The following IGSF21 variants were observed in gnomAD, a reference collection of about 807,000 sequenced individuals.
The protein encoded by IGSF21 is immunoglobulin superfamily member 21.
In IGSF21, 28 loss-of-function variants were observed where a neutral mutation model predicts 46.8. That is an observed-to-expected ratio of 0.60 (90% CI 0.44 to 0.82). The LOEUF (loss-of-function observed/expected upper bound fraction) is 0.82. Ranked by LOEUF, IGSF21 falls within the 40% of genes least tolerant of loss-of-function variation. The pLI, the probability that IGSF21 is intolerant of heterozygous loss-of-function variation, is 0.00. For missense variants in IGSF21, 624 were observed against 665.5 expected, an observed-to-expected ratio of 0.94 and a Z score of 0.69; for synonymous variants, 284 against 273.6, an observed-to-expected ratio of 1.04 and a Z score of -0.38.
At chr1:18,118,400 G>A (rs1447022047) in intron 1 of IGSF21, among the ~76,000 whole-genome samples, 1 of 152,238 alleles carries the variant, frequency 6.6e-6, no homozygotes, top group East Asian at 1.9e-4. Flanking sequence ...GGCTGGGGCA[G>A]CTGGAGGGTG....
intron 1 of IGSF21, among the ~76,000 whole-genome samples, chr1:18,203,970 A>T (rs868292666): frequency 2.0e-5 from 3 of 152,236 alleles, no homozygotes; most frequent in African/African-American, 7.2e-5. Flanking sequence ...ATCTGGGGCC[A>T]TCGCTTGCCG....
chr1:18,315,430 A>G (rs182377784), intron 3 of IGSF21, among the ~76,000 whole-genome samples: 23 of 152,330 alleles, frequency 1.5e-4, no homozygotes. Context: ...AGTCAGGTCC[A>G]TCAGGGCAGG....
chr1:18,147,064 G>A (rs1353235889), intron 1 of IGSF21, among the ~76,000 whole-genome samples: 1 of 152,174 alleles, frequency 6.6e-6, no homozygotes, highest in East Asian at 1.9e-4. Context: ...TCCCTCTGAC[G>A]CCACTGCCAC....
Position 18,222,617 on chromosome 1 carries a change from A to T in IGSF21, c.71-5281A>T, listed in dbSNP as rs149582017. Among the ~76,000 whole-genome samples the T allele has an allele frequency of 5.7e-3, 862 of 152,306 alleles. 7 individuals are homozygous for T. The highest frequency in any genetic ancestry group is 0.019 in the African/African-American group (786 of 41,554). On this transcript the variant is annotated intron_variant, in intron 1 of 9. Transcript: ENST00000251296. Reference sequence around the variant, plus strand: ...GGAAACTGAGTCCCATGGCAGTCCCATAACTTGCCCAGGTCGCTACTGAAT... The same window carrying T: ...GGAAACTGAGTCCCATGGCAGTCCCTTAACTTGCCCAGGTCGCTACTGAAT...
chr1:18,174,895 G>A (rs945953292), intron 1 of IGSF21, among the ~76,000 whole-genome samples: 2 of 152,220 alleles, frequency 1.3e-5, no homozygotes, highest in East Asian at 3.9e-4. Context: ...AGCCCATTCT[G>A]AGCCAAATGG....
At chr1:18,274,962 G>T (rs1219286160) in intron 2 of IGSF21, among the ~76,000 whole-genome samples, 1 of 152,180 alleles carries the variant, frequency 6.6e-6, no homozygotes, top group African/African-American at 2.4e-5. Flanking sequence ...GGGAGACAGA[G>T]GTTGTAGTAA....
intron 2 of IGSF21, among the ~76,000 whole-genome samples, chr1:18,237,362 G>T (rs1427842102): frequency 6.6e-6 from 1 of 152,130 alleles, no homozygotes; most frequent in East Asian, 1.9e-4. Flanking sequence ...CTCCCCTCGA[G>T]GGGAGCGCTT....
At chr1:18,362,253 G>A (rs138824617) in intron 5 of IGSF21, 23 bp downstream of exon 5, 1 of 1,539,132 alleles carries the variant, frequency 6.5e-7, no homozygotes. Context: ...GGAGTGCCCA[G>A]CTCCTTCCTA....
At chr1:18,317,787 T>C (rs1408389409) in intron 3 of IGSF21, among the ~76,000 whole-genome samples, 1 of 152,248 alleles carries the variant, frequency 6.6e-6, no homozygotes, top group African/African-American at 2.4e-5. Context: ...ACACATGTGC[T>C]AACTACGGGG....
intron 1 of IGSF21, among the ~76,000 whole-genome samples, chr1:18,124,622 C>T (rs985842573): frequency 1.3e-5 from 2 of 152,160 alleles, no homozygotes; most frequent in African/African-American, 2.4e-5. Flanking sequence ...GCCCCGGACC[C>T]CGTGGCTGGG....
chr1:18,173,308 C>T (rs1570298975), intron 1 of IGSF21, among the ~76,000 whole-genome samples: 1 of 152,080 alleles, frequency 6.6e-6, no homozygotes, highest in Non-Finnish European at 1.5e-5. Flanking sequence ...ACAACAACGA[C>T]AAAAAATCAG....
intron 2 of IGSF21, among the ~76,000 whole-genome samples, chr1:18,287,470 A>T (rs768263556): frequency 1.4e-4 from 21 of 152,152 alleles, no homozygotes; most frequent in Non-Finnish European, 2.6e-4. Flanking sequence ...GGAGTAGCTC[A>T]TATTCAAGGA....
At position 18,223,776 on chromosome 1, in the gene IGSF21, G is replaced by A. The variant is rs146269510; in HGVS notation, c.71-4122G>A. Among the ~76,000 whole-genome samples, 301 of 152,316 alleles carry A rather than the reference G, an allele frequency of 2.0e-3. 1 individual carries two copies. The highest frequency in any genetic ancestry group is 6.6e-3 in the African/African-American group (275 of 41,572). On this transcript the variant is annotated intron_variant, in intron 1 of 9. Coordinates refer to ENST00000251296, the MANE Select transcript of IGSF21 (RefSeq NM_032880.5). ...TTGCTGCCTGAGCTGCTGAAAAAAT[G>A]GGAGTGAGAGTGCTGGGAAAACTAA...
intron 1 of IGSF21, among the ~76,000 whole-genome samples, chr1:18,208,396 T>TATATATATATATATATATATATATATA (rs397732378): frequency 1.9e-3 from 190 of 102,236 alleles, no homozygotes; most frequent in Non-Finnish European, 2.6e-3. Flanking sequence ...TATATATATA[T>TATATATATATATATATATATATATATA]TTTTTGAGAC....
At chr1:18,360,578 C>T (rs934318988) in intron 4 of IGSF21, among the ~76,000 whole-genome samples, 3 of 152,048 alleles carry the variant, frequency 2.0e-5, no homozygotes, top group African/African-American at 7.2e-5. Flanking sequence ...AGTGAAAACC[C>T]CCTGAAGGAA....
intron 4 of IGSF21, among the ~76,000 whole-genome samples, chr1:18,347,157 GA>G (rs2085902564): frequency 6.6e-6 from 1 of 152,148 alleles, no homozygotes. Context: ...CAGGCTTCTA[GA>G]ACCCTCCCTC....
intron 2 of IGSF21, among the ~76,000 whole-genome samples, chr1:18,287,037 C>T (rs1336682607): frequency 4.0e-5 from 6 of 151,176 alleles, no homozygotes; most frequent in South Asian, 4.2e-4. Flanking sequence ...AAAAATTAGC[C>T]GGGCGTAGTG....
chr1:18,305,945 T>A (rs2085422113), intron 3 of IGSF21, among the ~76,000 whole-genome samples: 1 of 152,190 alleles, frequency 6.6e-6, no homozygotes, highest in Non-Finnish European at 1.5e-5. Flanking sequence ...CCAGCCTTCC[T>A]CATGTCCAGC....
At position 18,109,287 on chromosome 1, in the gene IGSF21, A is replaced by T. The variant is rs530186066; in HGVS notation, c.70+1089A>T. The T allele has an allele frequency of 9.2e-5, 14 of 151,542 alleles. No homozygotes were observed. The highest frequency in any genetic ancestry group is 1.8e-4 in the Non-Finnish European group (12 of 67,862). The allele number at this position is 151,542 out of a possible 1,614,324, so 9.4% of individuals were successfully genotyped here. ...CGAGACTACAGGCTCCGCGTCCGGG[A>T]TCCTCCTCGGAGCCTGGTGCCAACC... On this transcript the variant is annotated intron_variant, in intron 1 of 9. Transcript: ENST00000251296. The surrounding 1 kb of genome is among the most constrained non-coding windows in gnomAD (Gnocchi z 4.8).
Sources: gnomAD v4.1 joint callset for allele counts (sites outside exome capture counted in the v4.1 genomes callset) on GRCh38, gnomAD v4.1.1 for gene constraint, Gnocchi (gnomAD v3.1) non-coding constraint, MANE v1.5 for transcripts, NCBI Gene and HGNC (gene_info 2026-07-23, HGNC 2026-07-21) for gene names.